ELP4: variants seen among roughly 807,000 people sequenced by gnomAD.
The protein encoded by ELP4 is elongator acetyltransferase complex subunit 4, also known as elongator complex protein 4.
ELP4 carries 51 observed loss-of-function variants against 48.9 expected under a neutral mutation model. That is an observed-to-expected ratio of 1.04 (90% CI 0.83 to 1.32). The LOEUF (loss-of-function observed/expected upper bound fraction) is 1.32, where lower values mean the gene tolerates loss of function less well. Among genes scored for constraint, ELP4 ranks in the 40% most tolerant of loss-of-function variants. ELP4 has a pLI of 0.00. For synonymous variants in ELP4, 210 were observed against 189.2 expected (o/e 1.11, Z -0.90); for missense variants, 519 against 514.6 (o/e 1.01, Z -0.08).
At chr11:31,752,554 G>T (rs558607711) in intron 9 of ELP4, among the ~76,000 whole-genome samples, 3 of 152,208 alleles carry the variant, frequency 2.0e-5, no homozygotes, top group South Asian at 2.1e-4. Flanking sequence ...AAACTGGAAG[G>T]CCGGGTGCGG....
rs941876736 is a variant in ELP4 at position 31,789,816 on chromosome 11, C to A, written c.*6292C>A. The A allele has an allele frequency of 2.3e-5, 21 of 894,712 alleles. No individual in the cohort carries two copies. Among genetic ancestry groups the A allele is most frequent in the Non-Finnish European group, 3.5e-5 (19 of 550,166 alleles). The allele number at this position is 894,712 out of a possible 1,614,324, so 55.4% of individuals were successfully genotyped here. On this transcript the variant is annotated 3_prime_UTR_variant, in exon 10 of 10. Coordinates refer to ENST00000640961, the MANE Select transcript of ELP4 (RefSeq NM_019040.5). ...TACAATACAGGACACAATTGTAGAA[C>A]TGAAGCGGCTCTAACAGCCATTTTT...
chr11:31,669,048 C>T (rs1441533273), intron 9 of ELP4, among the ~76,000 whole-genome samples: 6 of 151,024 alleles, frequency 4.0e-5, no homozygotes, highest in Admixed American at 2.0e-4. Context: ...CCTCAATGGC[C>T]CATTCTTCTG....
chr11:31,696,808 C>T (rs775169021), intron 9 of ELP4, among the ~76,000 whole-genome samples: 1 of 152,092 alleles, frequency 6.6e-6, no homozygotes, highest in Non-Finnish European at 1.5e-5. Flanking sequence ...TCACACCTAA[C>T]AATATTAACC....
intron 9 of ELP4, among the ~76,000 whole-genome samples, chr11:31,736,056 T>C (rs1401135602): frequency 3.3e-5 from 5 of 152,186 alleles, no homozygotes; most frequent in Non-Finnish European, 7.4e-5. Flanking sequence ...GGAGGCATCA[T>C]GCTACCTGAC....
chr11:31,640,409 A>G (rs1945070716), intron 7 of ELP4, among the ~76,000 whole-genome samples: 1 of 151,948 alleles, frequency 6.6e-6, no homozygotes, highest in African/African-American at 2.4e-5. Context: ...AATGATACTT[A>G]TTTTTTAATG....
chr11:31,567,239 A>G (rs1206269079), intron 3 of ELP4, among the ~76,000 whole-genome samples: 4 of 152,128 alleles, frequency 2.6e-5, no homozygotes, highest in Non-Finnish European at 4.4e-5. Flanking sequence ...GGCCTGTAGT[A>G]CTTCTTAAAG....
At chr11:31,676,894 A>G (rs1003326013) in intron 9 of ELP4, among the ~76,000 whole-genome samples, 4 of 152,180 alleles carry the variant, frequency 2.6e-5, no homozygotes, top group African/African-American at 9.7e-5. Flanking sequence ...TCAATTATCA[A>G]TATTTTTATT....
At chr11:31,588,883 T>A (rs1429335340) in intron 3 of ELP4, among the ~76,000 whole-genome samples, 2 of 152,130 alleles carry the variant, frequency 1.3e-5, no homozygotes, top group Middle Eastern at 3.2e-3. Flanking sequence ...TTCAGGAGGC[T>A]GAGGCATGAG....
chr11:31,679,599 T>C (rs568033338), intron 9 of ELP4, among the ~76,000 whole-genome samples: 2 of 152,264 alleles, frequency 1.3e-5, no homozygotes, highest in Admixed American at 1.3e-4. Flanking sequence ...AAGACATCAT[T>C]TTAACTTAAT....
At chr11:31,720,888 T>C (rs1351494787) in intron 9 of ELP4, among the ~76,000 whole-genome samples, 2 of 152,182 alleles carry the variant, frequency 1.3e-5, no homozygotes, top group Admixed American at 6.5e-5. Flanking sequence ...TTCCTTTTGC[T>C]CTCTTGCCCA....
intron 9 of ELP4, among the ~76,000 whole-genome samples, chr11:31,771,840 G>A (rs145653210): frequency 8.5e-5 from 13 of 152,248 alleles, no homozygotes; most frequent in Admixed American, 5.2e-4. Flanking sequence ...TTAGCCGGGC[G>A]TGGTGGCGGC....
chr11:31,612,032 G>A (rs1957990120), intron 5 of ELP4, among the ~76,000 whole-genome samples: 1 of 152,148 alleles, frequency 6.6e-6, no homozygotes, highest in South Asian at 2.1e-4. Flanking sequence ...AAGGAACTTG[G>A]TGTTTTCAAG....
In ELP4 at chr11:31,790,036, G is replaced by C. The variant is rs764752631; in HGVS notation, c.*6512G>C. 1 of 1,274,004 alleles carries C rather than the reference G, an allele frequency of 7.8e-7. No homozygotes were observed. The highest frequency in any genetic ancestry group is 1.0e-6 in the Non-Finnish European group (1 of 963,576). The allele number at this position is 1,274,004 out of a possible 1,614,324, so 78.9% of individuals were successfully genotyped here. A position where few individuals can be genotyped will look rare whatever the true frequency, so the allele number is the denominator to read the frequency against. On this transcript the variant is annotated 3_prime_UTR_variant, in exon 10 of 10. Coordinates refer to ENST00000640961, the MANE Select transcript of ELP4 (RefSeq NM_019040.5). ...AAATGAGTCCTAGAAGTGGATGAAAGAAATAGCCATGTAGATATTCCCTTT... is the reference window on the plus strand; with the variant it reads ...AAATGAGTCCTAGAAGTGGATGAAACAAATAGCCATGTAGATATTCCCTTT...
intron 3 of ELP4, among the ~76,000 whole-genome samples, chr11:31,548,321 A>C (rs1241092275): frequency 1.3e-5 from 2 of 152,130 alleles, no homozygotes; most frequent in Non-Finnish European, 2.9e-5. Context: ...AAAAATCACA[A>C]GCATTCTTAT....
intron 9 of ELP4, among the ~76,000 whole-genome samples, chr11:31,664,938 G>T (rs551291247): frequency 6.6e-6 from 1 of 152,262 alleles, no homozygotes; most frequent in East Asian, 1.9e-4. Context: ...GGTATTTAAA[G>T]TATTTCCAAG....
At chr11:31,662,113 A>T (rs1945570747) in intron 9 of ELP4, among the ~76,000 whole-genome samples, 1 of 152,088 alleles carries the variant, frequency 6.6e-6, no homozygotes, top group African/African-American at 2.4e-5. Flanking sequence ...AAGGACAATT[A>T]TATGTAGGAG....
At chr11:31,597,970 T>C (rs1957704551) in intron 4 of ELP4, among the ~76,000 whole-genome samples, 1 of 145,878 alleles carries the variant, frequency 6.9e-6, no homozygotes, top group African/African-American at 2.5e-5. Flanking sequence ...TTTTTTTTTT[T>C]TTTGAGATGG....
At chr11:31,578,022 A>G (rs1957316813) in intron 3 of ELP4, among the ~76,000 whole-genome samples, 1 of 152,212 alleles carries the variant, frequency 6.6e-6, no homozygotes, top group Non-Finnish European at 1.5e-5. Context: ...TTTGCAGATG[A>G]TGTGATTGTA....
chr11:31,510,359 G>A (rs982440753), intron 1 of ELP4: 6 of 464,482 alleles, frequency 1.3e-5, no homozygotes, highest in Admixed American at 3.6e-5. Context: ...CCTCCCTTCT[G>A]CTTTCTCCAG....
Sources: allele counts gnomAD v4.1 joint callset (sites outside exome capture counted in the v4.1 genomes callset), GRCh38; gene constraint gnomAD v4.1.1; transcripts MANE v1.5; gene names NCBI Gene and HGNC (gene_info 2026-07-23, HGNC 2026-07-21).